FRYL: variants seen among roughly 807,000 people sequenced by gnomAD.
FRYL encodes FRY like transcription coactivator.
Under a neutral mutation model 351.2 loss-of-function variants are expected in FRYL, and 150 were observed. That is an observed-to-expected ratio of 0.43 (90% CI 0.37 to 0.49). The LOEUF is 0.49. Among genes scored for constraint, FRYL ranks in the 20% least tolerant of loss-of-function variants. FRYL has a pLI of 0.00. For missense variants in FRYL, 3,036 were observed against 3,619.3 expected (o/e 0.84, Z 4.13); for synonymous variants, 1,153 against 1,257.1 (o/e 0.92, Z 1.75).
intron 2 of FRYL, among the ~76,000 whole-genome samples, chr4:48,695,800 C>A (rs1252431521): frequency 6.6e-6 from 1 of 152,122 alleles, no homozygotes; most frequent in African/African-American, 2.4e-5. Flanking sequence ...GGTCTAATAT[C>A]CAGAATCTAC....
intron 29 of FRYL, 130 bp downstream of exon 29, chr4:48,565,401 A>G: frequency 3.5e-6 from 2 of 573,160 alleles, no homozygotes; most frequent in Non-Finnish European, 5.6e-6. Context: ...AACTTATGGT[A>G]TAAGTTTTGA....
chr4:48,532,265 A>G (rs1727829473), intron 49 of FRYL, among the ~76,000 whole-genome samples: 1 of 152,236 alleles, frequency 6.6e-6, no homozygotes, highest in African/African-American at 2.4e-5. Flanking sequence ...TATCCAATTG[A>G]GTTCATAACA....
At chr4:48,508,837 CA>C (rs1721870704) in intron 59 of FRYL, among the ~76,000 whole-genome samples, 1 of 152,156 alleles carries the variant, frequency 6.6e-6, no homozygotes, top group Non-Finnish European at 1.5e-5. Flanking sequence ...GCAGACACCA[CA>C]AAAGACCACT....
rs183594056 is a variant in FRYL at position 48,589,605 on chromosome 4, G to T, written c.1640+140C>A. ...AGGAATAAAACTGAGTGTGTGGAAGGAATCACTGTATTGAAAACTGCAGCA... is the reference window on the plus strand; with the variant it reads ...AGGAATAAAACTGAGTGTGTGGAAGTAATCACTGTATTGAAAACTGCAGCA... On this transcript the variant is annotated intron_variant, in intron 18 of 63. Coordinates refer to ENST00000358350, the MANE Select transcript of FRYL (RefSeq NM_015030.2). 97 of 741,424 alleles carry T rather than the reference G, an allele frequency of 1.3e-4. No individual in the cohort carries two copies. The Admixed American group carries it at 1.6e-3, about 13-fold the overall frequency. 45.9% of individuals were successfully genotyped at this position (741,424 alleles called of 1,614,324 possible). A position where few individuals can be genotyped will look rare whatever the true frequency, so the allele number is the denominator to read the frequency against.
At chr4:48,762,556 G>A (rs184822593) in intron 1 of FRYL, among the ~76,000 whole-genome samples, 15 of 152,290 alleles carry the variant, frequency 9.8e-5, no homozygotes, top group African/African-American at 3.6e-4. Context: ...AAGCTTTGGT[G>A]TTGAGGTGAT....
intron 7 of FRYL, among the ~76,000 whole-genome samples, chr4:48,613,984 A>G (rs1748812511): frequency 6.6e-6 from 1 of 151,904 alleles, no homozygotes. Flanking sequence ...ATTTGAATAA[A>G]TAAAACAAAT....
chr4:48,631,659 G>A (rs998849318), intron 4 of FRYL, among the ~76,000 whole-genome samples: 2 of 151,912 alleles, frequency 1.3e-5, no homozygotes, highest in Admixed American at 6.6e-5. Flanking sequence ...TAACTATAAC[G>A]TGATATCATC....
At chr4:48,625,829 A>G (rs1321855800) in intron 4 of FRYL, among the ~76,000 whole-genome samples, 1 of 152,230 alleles carries the variant, frequency 6.6e-6, no homozygotes, top group Non-Finnish European at 1.5e-5. Context: ...GAGTTAAATT[A>G]GAGAATAACA....
intron 3 of FRYL, among the ~76,000 whole-genome samples, chr4:48,665,314 T>C (rs1187966415): frequency 6.6e-6 from 1 of 152,214 alleles, no homozygotes; most frequent in Admixed American, 6.5e-5. Flanking sequence ...CAATTTCCTA[T>C]CAAATTTGGC....
chr4:48,655,200 T>C (rs1758576062), intron 3 of FRYL, among the ~76,000 whole-genome samples: 1 of 152,124 alleles, frequency 6.6e-6, no homozygotes, highest in African/African-American at 2.4e-5. Context: ...TGAAGGTATA[T>C]TTTTTCTCAG....
chr4:48,777,525 A>C (rs972485920), intron 1 of FRYL, among the ~76,000 whole-genome samples: 7 of 152,254 alleles, frequency 4.6e-5, no homozygotes, highest in Non-Finnish European at 1.0e-4. Flanking sequence ...CAAGGATCTC[A>C]AGAAACAGTT....
chr4:48,742,298 C>T (rs758530395), intron 1 of FRYL, among the ~76,000 whole-genome samples: 10 of 152,180 alleles, frequency 6.6e-5, no homozygotes, highest in Non-Finnish European at 1.3e-4. Context: ...TTGGAGTCTT[C>T]ATTTTACTTA....
At chr4:48,600,946 T>C (rs1745577730) in intron 13 of FRYL, among the ~76,000 whole-genome samples, 1 of 152,174 alleles carries the variant, frequency 6.6e-6, no homozygotes, top group Admixed American at 6.5e-5. Context: ...TATCAACGTT[T>C]ATCTAGAAGG....
rs566936321 is a variant in FRYL, at chr4:48,617,281, G to C, written c.411+1993C>G. Among the ~76,000 whole-genome samples, 6 of 151,844 alleles carry C rather than the reference G, an allele frequency of 4.0e-5. 1 individual carries two copies. In the South Asian group the frequency reaches 1.0e-3, roughly 26 times the overall value. On this transcript the variant is annotated intron_variant, in intron 7 of 63. Coordinates refer to ENST00000358350, the MANE Select transcript of FRYL (RefSeq NM_015030.2). ...TCACTTTCAGTCCATGTGAACCATGGGTCAGAAATGATTTTGTGCAGTGCA... is the reference window on the plus strand; with the variant it reads ...TCACTTTCAGTCCATGTGAACCATGCGTCAGAAATGATTTTGTGCAGTGCA...
chr4:48,639,011 C>T (rs372696730), intron 3 of FRYL, among the ~76,000 whole-genome samples: 3 of 151,958 alleles, frequency 2.0e-5, no homozygotes, highest in East Asian at 3.9e-4. Context: ...ATGTAGATGA[C>T]GGGTTGATGG....
intron 1 of FRYL, among the ~76,000 whole-genome samples, chr4:48,720,783 G>A (rs987964185): frequency 8.5e-5 from 13 of 152,210 alleles, no homozygotes; most frequent in African/African-American, 2.6e-4. Flanking sequence ...TAAGCGTGAT[G>A]TCCTCAAGAT....
At chr4:48,694,768 T>C (rs1765994314) in intron 2 of FRYL, among the ~76,000 whole-genome samples, 1 of 152,170 alleles carries the variant, frequency 6.6e-6, no homozygotes, top group Non-Finnish European at 1.5e-5. Context: ...TGTAAATCCC[T>C]GGCCCAAAAA....
chr4:48,503,969 T>C (rs1577819829), intron 60 of FRYL, among the ~76,000 whole-genome samples: 1 of 152,276 alleles, frequency 6.6e-6, no homozygotes, highest in African/African-American at 2.4e-5. Context: ...CAAGCATATA[T>C]GTATAGCCTC....
intron 1 of FRYL, among the ~76,000 whole-genome samples, chr4:48,712,637 A>G (rs1208917313): frequency 2.6e-5 from 4 of 152,188 alleles, no homozygotes; most frequent in African/African-American, 9.7e-5. Flanking sequence ...AAGTTGGAAA[A>G]CACTCTGCAG....
Sources: allele counts gnomAD v4.1 joint callset (sites outside exome capture counted in the v4.1 genomes callset), GRCh38; gene constraint gnomAD v4.1.1; transcripts MANE v1.5; gene names NCBI Gene and HGNC (gene_info 2026-07-23, HGNC 2026-07-21).